The following PKHD1 variants were observed in gnomAD, a reference collection of about 807,000 sequenced individuals.
The protein encoded by PKHD1 is fibrocystin.
A neutral mutation model predicts 412.0 loss-of-function variants in PKHD1; 291 were observed. The observed-to-expected ratio is 0.71, with a 90% CI of 0.64 to 0.78. PKHD1 has a LOEUF of 0.78. Among genes scored for constraint, PKHD1 ranks in the 30% least tolerant of loss-of-function variants. PKHD1 has a pLI of 0.00. For missense variants in PKHD1, 4,825 were observed against 4,950.7 expected (o/e 0.97, Z 0.76); for synonymous variants, 1,777 against 1,821.5 (o/e 0.98, Z 0.62).
chr6:51,671,939 T>C (rs574522984), intron 60 of PKHD1, among the ~76,000 whole-genome samples: 1 of 152,204 alleles, frequency 6.6e-6, no homozygotes, highest in Non-Finnish European at 1.5e-5. Flanking sequence ...GGAGAACCAC[T>C]GCTCTCTTCA....
At chr6:51,942,170 T>C (rs1278477188) in intron 36 of PKHD1, among the ~76,000 whole-genome samples, 1 of 151,542 alleles carries the variant, frequency 6.6e-6, no homozygotes, top group Non-Finnish European at 1.5e-5. Context: ...TTTCCATTCC[T>C]TGAAGACAGC....
rs932953717 is a variant in PKHD1 at position 51,940,129 on chromosome 6, G to C, written c.5909-5807C>G. On this transcript the variant is annotated intron_variant, in intron 36 of 66. Transcript: ENST00000371117. The stretch of plus-strand genomic sequence containing the variant: ...GTTCGTTCAGCAGCAACCCTGAGAT[G>C]CTTTACAGCCCTAGACCCTAAAAGG... 2.0e-5 allele frequency among the ~76,000 whole-genome samples: 3 copies of C among 151,532 alleles called. 1 individual carries two copies. The highest frequency in any genetic ancestry group is 6.6e-5 in the Admixed American group (1 of 15,210).
chr6:51,893,297 C>A (rs1473003017), intron 43 of PKHD1, among the ~76,000 whole-genome samples: 1 of 152,204 alleles, frequency 6.6e-6, no homozygotes, highest in Non-Finnish European at 1.5e-5. Context: ...AGCACAGATG[C>A]TCAGAAAGCA....
At chr6:52,045,971 A>T (rs1805741282) in intron 24 of PKHD1, 33 bp downstream of exon 24, 1 of 1,489,694 alleles carries the variant, frequency 6.7e-7, no homozygotes, top group Non-Finnish European at 9.4e-7. Flanking sequence ...CAGGGCAGCA[A>T]ATCCATGCCA....
At chr6:51,759,160 C>T (rs1278845981) in intron 55 of PKHD1, among the ~76,000 whole-genome samples, 2 of 152,176 alleles carry the variant, frequency 1.3e-5, no homozygotes, top group Non-Finnish European at 2.9e-5. Flanking sequence ...TTATTCTACA[C>T]TTGATAGAGA....
chr6:51,747,012 A>G (rs1004005779), intron 58 of PKHD1, 123 bp from the exon 59 acceptor site: 7 of 654,730 alleles, frequency 1.1e-5, no homozygotes, highest in Non-Finnish European at 1.8e-5. Flanking sequence ...GCTATCCAGG[A>G]TAGCCTTAGG....
chr6:51,904,179 A>G (rs1011456742), intron 41 of PKHD1, 137 bp from the exon 42 acceptor site: 2 of 687,512 alleles, frequency 2.9e-6, no homozygotes, highest in Admixed American at 4.1e-5. Context: ...AGGGAAAGAG[A>G]TACAGATCTT....
At chr6:51,820,207 C>T (rs1466786974) in intron 52 of PKHD1, among the ~76,000 whole-genome samples, 1 of 152,016 alleles carries the variant, frequency 6.6e-6, no homozygotes, top group East Asian at 1.9e-4. Flanking sequence ...AGGAAACACC[C>T]CAATGGCAAA....
At chr6:51,958,583 T>C (rs1791519648) in intron 36 of PKHD1, among the ~76,000 whole-genome samples, 1 of 152,096 alleles carries the variant, frequency 6.6e-6, no homozygotes, top group Non-Finnish European at 1.5e-5. Flanking sequence ...GACTTTCAGC[T>C]GGGAAACTTC....
At chr6:51,845,449 G>A (rs1266700225) in intron 50 of PKHD1, among the ~76,000 whole-genome samples, 1 of 152,094 alleles carries the variant, frequency 6.6e-6, no homozygotes, top group African/African-American at 2.4e-5. Flanking sequence ...AGATCCTACG[G>A]GGAATCCCTT....
chr6:51,984,448 C>T (rs1043907426), intron 35 of PKHD1, among the ~76,000 whole-genome samples: 3 of 152,254 alleles, frequency 2.0e-5, no homozygotes, highest in Non-Finnish European at 4.4e-5. Context: ...AGCATACTCA[C>T]ACATACCCTG....
Position 52,017,497 on chromosome 6 carries a change from T to C in PKHD1, c.5513A>G (p.Tyr1838Cys), listed in dbSNP as rs777999875. ...EQLLESWPYLYICEESSQCLF... is the reference protein window; with the variant it reads ...EQLLESWPYLCICEESSQCLF... ...GCATTGGGAACTTTCCTCGCAAATG[T>C]AGAGGTAAGGCCACGATTCAAGCAG... Residue 1838 changes from tyrosine to cysteine, a missense_variant, in exon 34 of 67, where the codon TAC becomes TGC. Tyr to Cys is a radical substitution (Grantham distance 194, BLOSUM62 -2). Transcript: ENST00000371117. The C allele has an allele frequency of 5.0e-6, 8 of 1,613,972 alleles. No individual in the cohort carries two copies. Among genetic ancestry groups the C allele is most frequent in the South Asian group, 1.1e-5 (1 of 91,076 alleles).
At chr6:51,808,507 ATC>A (rs1213142705) in intron 52 of PKHD1, among the ~76,000 whole-genome samples, 1 of 102,720 alleles carries the variant, frequency 9.7e-6, no homozygotes. Context: ...TTAAAAAAGA[ATC>A]TCTCACACAC....
intron 52 of PKHD1, among the ~76,000 whole-genome samples, chr6:51,799,150 A>C (rs143715702): frequency 6.3e-4 from 75 of 119,068 alleles, no homozygotes; most frequent in African/African-American, 2.1e-3. Flanking sequence ...TAGATGGTCA[A>C]AATTAACACC....
At chr6:51,979,492 T>C (rs2128019511) in intron 35 of PKHD1, among the ~76,000 whole-genome samples, 1 of 152,134 alleles carries the variant, frequency 6.6e-6, no homozygotes, top group Admixed American at 6.5e-5. Flanking sequence ...GCTAATATTC[T>C]CTTCCTAGGA....
chr6:51,956,857 G>C (rs1272908736), intron 36 of PKHD1, among the ~76,000 whole-genome samples: 1 of 152,028 alleles, frequency 6.6e-6, no homozygotes, highest in Non-Finnish European at 1.5e-5. Flanking sequence ...AGCTAGAGCA[G>C]AGTGAATGAG....
chr6:51,638,293 T>A (rs1020720691), intron 64 of PKHD1, among the ~76,000 whole-genome samples: 2 of 152,302 alleles, frequency 1.3e-5, no homozygotes, highest in East Asian at 1.9e-4. Flanking sequence ...ATTAGTGAGT[T>A]AAATAACATG....
At chr6:51,926,260 A>G (rs1410425460) in intron 37 of PKHD1, among the ~76,000 whole-genome samples, 1 of 152,168 alleles carries the variant, frequency 6.6e-6, no homozygotes, top group African/African-American at 2.4e-5. Context: ...ACTGAAAATG[A>G]AGCCAGCTGA....
At chr6:51,681,131 C>T (rs968970883) in intron 60 of PKHD1, among the ~76,000 whole-genome samples, 3 of 152,038 alleles carry the variant, frequency 2.0e-5, no homozygotes, top group African/African-American at 7.2e-5. Context: ...TCTAGGAAAC[C>T]TCTCAGAAAT....
Sources: gnomAD v4.1 joint callset for allele counts (sites outside exome capture counted in the v4.1 genomes callset) on GRCh38, gnomAD v4.1.1 for gene constraint, MANE v1.5 for transcripts, NCBI Gene and HGNC (gene_info 2026-07-23, HGNC 2026-07-21) for gene names.